TANC1: variants seen among roughly 807,000 people sequenced by gnomAD.
The protein encoded by TANC1 is protein TANC1.
Under a neutral mutation model 149.7 loss-of-function variants are expected in TANC1, and 77 were observed. That is an observed-to-expected ratio of 0.51 (90% confidence interval 0.43 to 0.62). TANC1 has a LOEUF of 0.62. TANC1 is among the 20% of genes least tolerant of loss of function. The pLI is 0.00. For missense variants in TANC1, 1,985 were observed against 2,321.8 expected, an observed-to-expected ratio of 0.85 and a Z score of 2.98; for synonymous variants, 854 against 925.0, an observed-to-expected ratio of 0.92 and a Z score of 1.39.
chr2:159,012,949 T>C (rs1208848986), intron 2 of TANC1, among the ~76,000 whole-genome samples: 1 of 152,224 alleles, frequency 6.6e-6, no homozygotes, highest in African/African-American at 2.4e-5. Flanking sequence ...GGTATTTATG[T>C]AGCTCTATTT....
chr2:159,107,896 G>T (rs1224583433), intron 4 of TANC1, among the ~76,000 whole-genome samples: 3 of 152,110 alleles, frequency 2.0e-5, no homozygotes, highest in Admixed American at 1.3e-4. Flanking sequence ...CTGACATTCT[G>T]TGACATTCTC....
intron 4 of TANC1, among the ~76,000 whole-genome samples, chr2:159,125,675 C>T (rs987183993): frequency 1.3e-5 from 2 of 150,800 alleles, no homozygotes; most frequent in African/African-American, 4.9e-5. Context: ...CTGCAACCTC[C>T]GACTCCCGGG....
chr2:159,150,596 T>G, intron 7 of TANC1, 40 bp downstream of exon 7: 1 of 1,514,636 alleles, frequency 6.6e-7, no homozygotes, highest in Non-Finnish European at 9.2e-7. Flanking sequence ...GGCTCGAATC[T>G]CATCAACCAG....
At chr2:159,137,021 A>G (rs1243661851) in intron 5 of TANC1, among the ~76,000 whole-genome samples, 2 of 152,044 alleles carry the variant, frequency 1.3e-5, no homozygotes, top group Non-Finnish European at 2.9e-5. Context: ...TTGAATTTCC[A>G]CCCTGTTTTT....
At chr2:159,078,695 G>C (rs930231445) in intron 3 of TANC1, among the ~76,000 whole-genome samples, 2 of 152,086 alleles carry the variant, frequency 1.3e-5, no homozygotes, top group Non-Finnish European at 2.9e-5. Flanking sequence ...CATGGTTATT[G>C]GACTCCTCCA....
chr2:159,149,419 T>G (rs1317574518), intron 6 of TANC1, 147 bp downstream of exon 6: 1 of 1,256,186 alleles, frequency 8.0e-7, no homozygotes, highest in African/African-American at 1.5e-5. Flanking sequence ...TTTCAACAGT[T>G]TGGTTCTGGG....
intron 7 of TANC1, among the ~76,000 whole-genome samples, chr2:159,153,672 T>C (rs1299017761): frequency 6.9e-6 from 1 of 145,430 alleles, no homozygotes; most frequent in Non-Finnish European, 1.5e-5. Context: ...GCAGGAGTGG[T>C]GGGGACAGAA....
chr2:159,073,565 T>A (rs894208279), intron 3 of TANC1, among the ~76,000 whole-genome samples: 1 of 152,224 alleles, frequency 6.6e-6, no homozygotes, highest in African/African-American at 2.4e-5. Flanking sequence ...CATAGGAAGC[T>A]AGATCAGTAG....
At chr2:158,975,569 A>G (rs1264162058) in intron 1 of TANC1, among the ~76,000 whole-genome samples, 2 of 130,060 alleles carry the variant, frequency 1.5e-5, no homozygotes, top group Non-Finnish European at 3.2e-5. Flanking sequence ...TAAGACCACA[A>G]TTACTTTTTT....
At position 159,156,463 on chromosome 2, in the gene TANC1, G is replaced by A. The variant is rs180791678; in HGVS notation, c.682+5907G>A. On this transcript the variant is annotated intron_variant, in intron 7 of 26. Transcript: ENST00000263635. ...CTATTGGTGTAGCAAGCATTTATTGGCGCCTACTGTGTACCAGGAGCAAGC... is the reference window on the plus strand; with the variant it reads ...CTATTGGTGTAGCAAGCATTTATTGACGCCTACTGTGTACCAGGAGCAAGC... Among the ~76,000 whole-genome samples, 25 of 152,272 alleles carry A rather than the reference G, an allele frequency of 1.6e-4. No individual in the cohort carries two copies. The East Asian group carries it at 4.1e-3, about 25-fold the overall frequency.
chr2:159,025,189 T>TTTCTTTCTTTCTTTCTTTC (rs1553519914), intron 2 of TANC1, among the ~76,000 whole-genome samples: 2 of 105,222 alleles, frequency 1.9e-5, no homozygotes, highest in African/African-American at 3.6e-5. Flanking sequence ...TTTTTCTTTC[T>TTTCTTTCTTTCTTTCTTTC]TTTCTTTCTT....
intron 2 of TANC1, among the ~76,000 whole-genome samples, chr2:159,036,014 G>T (rs1199146476): frequency 1.3e-5 from 2 of 152,212 alleles, no homozygotes; most frequent in Non-Finnish European, 2.9e-5. Flanking sequence ...TGTGGGCTGT[G>T]ATGGGTATTC....
intron 2 of TANC1, among the ~76,000 whole-genome samples, chr2:159,062,992 A>AAAAAAAAAAAAAC (rs1559188236): frequency 6.8e-6 from 1 of 147,414 alleles, no homozygotes; most frequent in Non-Finnish European, 1.5e-5. Flanking sequence ...AAAAAAAAAA[A>AAAAAAAAAAAAAC]AAAGAAAGCA....
intron 5 of TANC1, among the ~76,000 whole-genome samples, chr2:159,140,212 A>C (rs1240516269): frequency 1.3e-5 from 2 of 151,256 alleles, no homozygotes; most frequent in Non-Finnish European, 2.9e-5. Flanking sequence ...ACAGAGTGAG[A>C]CCCTGTCTCA....
In TANC1 at chr2:159,172,210, G is replaced by T; in HGVS notation, c.1441G>T (p.Gly481Trp). 6.2e-7 allele frequency: 1 copy of T among 1,614,178 alleles called. No individual in the cohort carries two copies. The highest frequency in any genetic ancestry group is 1.3e-5 in the African/African-American group (1 of 75,048). Reference sequence around the variant, plus strand: ...TTCCAGCACAGCTAAAACACCTCTTGGGTCTATCAGTGCTGAAAACCAGAG... The same window carrying T: ...TTCCAGCACAGCTAAAACACCTCTTTGGTCTATCAGTGCTGAAAACCAGAG... ...SASSTAKTPL[G>W]SISAENQRPR... Residue 481 changes from glycine to tryptophan, a missense_variant, in exon 11 of 27, where the codon GGG (glycine) becomes TGG (tryptophan). Physicochemically the swap from Gly to Trp is radical, Grantham distance 184 (BLOSUM62 -2). Coordinates refer to ENST00000263635, the MANE Select transcript of TANC1 (RefSeq NM_033394.3).
intron 4 of TANC1, among the ~76,000 whole-genome samples, chr2:159,108,078 G>T (rs1006347741): frequency 1.3e-5 from 2 of 152,186 alleles, no homozygotes; most frequent in African/African-American, 4.8e-5. Context: ...ATGCCCATCA[G>T]TTCCATGTGA....
intron 1 of TANC1, among the ~76,000 whole-genome samples, chr2:158,997,397 C>T (rs2036230350): frequency 6.6e-6 from 1 of 152,138 alleles, no homozygotes; most frequent in Admixed American, 6.6e-5. Flanking sequence ...GACATAGATA[C>T]AGAAATAATT....
At chr2:159,200,612 C>T (rs1184305317) in intron 19 of TANC1, among the ~76,000 whole-genome samples, 1 of 152,204 alleles carries the variant, frequency 6.6e-6, no homozygotes, top group Admixed American at 6.5e-5. Flanking sequence ...GCATTATCAT[C>T]CTGCTTGAGA....
At chr2:158,977,004 C>T (rs1368397866) in intron 1 of TANC1, among the ~76,000 whole-genome samples, 30 of 152,072 alleles carry the variant, frequency 2.0e-4, no homozygotes, top group Admixed American at 2.0e-3. Context: ...GTATATACTA[C>T]ATTCATGTGT....
Sources: allele counts gnomAD v4.1 joint callset (sites outside exome capture counted in the v4.1 genomes callset), GRCh38; gene constraint gnomAD v4.1.1; transcripts MANE v1.5; gene names NCBI Gene and HGNC (gene_info 2026-07-23, HGNC 2026-07-21).